Variants in TRPM2 observed in about 807,000 individuals in gnomAD.
TRPM2 encodes estrogen-responsive element-associated gene 1 protein.
Under a neutral mutation model 174.0 loss-of-function variants are expected in TRPM2, and 161 were observed. The ratio of observed to expected loss-of-function variants is 0.93; its 90% CI spans 0.81 to 1.05. The LOEUF (loss-of-function observed/expected upper bound fraction) is 1.05, where lower values mean the gene tolerates loss of function less well. Ranked by LOEUF, TRPM2 falls within the 50% of genes least tolerant of loss-of-function variation. The probability of loss-of-function intolerance (pLI) is 0.00; values close to 1 mark genes in which losing one functional copy is unlikely to be tolerated. For missense variants in TRPM2, 2,057 were observed against 2,038.0 expected (o/e 1.01, Z -0.18); for synonymous variants, 954 against 861.3 (o/e 1.11, Z -1.88).
At chr21:44,418,876 G>C (rs780525321) in intron 22 of TRPM2, among the ~76,000 whole-genome samples, 4 of 152,244 alleles carry the variant, frequency 2.6e-5, no homozygotes, top group Admixed American at 1.3e-4. Context: ...TGTGCACACG[G>C]GGTCCAGGCT....
At position 44,422,251 on chromosome 21, in the gene TRPM2, C is replaced by T. The variant is rs967599845; in HGVS notation, c.3462-1394C>T. ...CAGCACTGAGGTGAGCTGAGTTCAC[C>T]AAAGCTCCTCGCCCACAGGGCAGGG... On this transcript the variant is annotated intron_variant, in intron 22 of 31. Transcript: ENST00000397928. 4 of 1,534,652 alleles carry T rather than the reference C, an allele frequency of 2.6e-6. No individual in the cohort carries two copies. The African/African-American group carries it at 4.1e-5, about 16-fold the overall frequency.
At position 44,400,313 on chromosome 21, in the gene TRPM2, CG is replaced by C; in HGVS notation, c.2264del (p.Arg755LeufsTer2). The C allele has an allele frequency of 6.2e-7, 1 of 1,612,782 alleles. No individual in the cohort carries two copies. Among genetic ancestry groups the C allele is most frequent in the Non-Finnish European group, 8.5e-7 (1 of 1,179,868 alleles). On this transcript the variant is annotated frameshift_variant, in exon 15 of 32. Coordinates refer to ENST00000397928, the MANE Select transcript of TRPM2 (RefSeq NM_003307.4). LOFTEE classifies it high-confidence loss of function. ...GQLSVDNGLWRVTLCMLAFPL... is the reference protein window; with the variant it reads ...GQLSVDNGLWXVTLCMLAFPL... ...GCTCTCCGTGGACAATGGGCTGTGGCGTGTGACCCTGTGCATGCTGGCCTTC... is the reference window on the plus strand; with the variant it reads ...GCTCTCCGTGGACAATGGGCTGTGGCTGTGACCCTGTGCATGCTGGCCTTC...
chr21:44,425,119 C>T (rs1469139157), intron 24 of TRPM2, 180 bp downstream of exon 24: 14 of 602,824 alleles, frequency 2.3e-5, no homozygotes, highest in East Asian at 8.7e-5. Flanking sequence ...CCGACGCTGG[C>T]GCCGAGGCCC....
At chr21:44,409,637 G>A (rs941104684) in intron 19 of TRPM2, among the ~76,000 whole-genome samples, 22 of 145,394 alleles carry the variant, frequency 1.5e-4, no homozygotes, top group Admixed American at 2.1e-4. Flanking sequence ...CTGTCTTGGC[G>A]TAGCCTTGTA....
intron 11 of TRPM2, among the ~76,000 whole-genome samples, chr21:44,392,525 C>G (rs1219211701): frequency 6.6e-6 from 1 of 151,908 alleles, no homozygotes; most frequent in African/African-American, 2.4e-5. Context: ...CTTGGCCTCC[C>G]AAATTGCTGG....
In TRPM2 at chr21:44,441,941, G is replaced by C; in HGVS notation, c.*124G>C. Reference sequence around the variant, plus strand: ...GCCCTGCACATGATGGGGTTTGGTGGACCCAGTGCCCCTCACGGCTGCCGC... The same window carrying C: ...GCCCTGCACATGATGGGGTTTGGTGCACCCAGTGCCCCTCACGGCTGCCGC... On this transcript the variant is annotated 3_prime_UTR_variant, in exon 32 of 32. Transcript: ENST00000397928. The C allele has an allele frequency of 7.4e-7, 1 of 1,342,780 alleles. No individual in the cohort carries two copies. Among genetic ancestry groups the C allele is most frequent in the Non-Finnish European group, 9.7e-7 (1 of 1,032,670 alleles). The allele number at this position is 1,342,780 out of a possible 1,614,324, so 83.2% of individuals were successfully genotyped here. A position where few individuals can be genotyped will look rare whatever the true frequency, so the allele number is the denominator to read the frequency against.
intron 9 of TRPM2, among the ~76,000 whole-genome samples, chr21:44,390,234 TC>T (rs773226538): frequency 4.6e-5 from 7 of 152,170 alleles, no homozygotes; most frequent in Non-Finnish European, 8.8e-5. Context: ...TCTCTGCCCA[TC>T]CCAAGGTTGC....
rs2050737839 is a variant in TRPM2, at chr21:44,425,656, C to T, written c.3638-14C>T. The T allele has an allele frequency of 2.7e-6, 4 of 1,493,104 alleles. No individual in the cohort carries two copies. In the East Asian group the frequency reaches 7.5e-5, roughly 28 times the overall value. The allele number at this position is 1,493,104 out of a possible 1,614,324, so 92.5% of individuals were successfully genotyped here. A position where few individuals can be genotyped will look rare whatever the true frequency, so the allele number is the denominator to read the frequency against. On this transcript the variant is annotated splice_polypyrimidine_tract_variant and intron_variant, in intron 24 of 31. Coordinates refer to ENST00000397928, the MANE Select transcript of TRPM2 (RefSeq NM_003307.4). The stretch of plus-strand genomic sequence containing the variant: ...GGGCTCCGCCTTGCGTCACGTCTTC[C>T]TGACTGTCCCCAGCCTCCCAGAAGG...
At position 44,399,485 on chromosome 21, in the gene TRPM2, C is replaced by G. The variant is rs1602225271; in HGVS notation, c.2208+44C>G. On this transcript the variant is annotated intron_variant, in intron 14 of 31. Coordinates refer to ENST00000397928, the MANE Select transcript of TRPM2 (RefSeq NM_003307.4). The surrounding 1 kb of genome is among the most constrained non-coding windows in gnomAD (Gnocchi z 4.6). ...CTTCCAGAAACAGACGCCTGTGGTG[C>G]CTGCAGGGCGGACACAGCCTCCTGT... is the stretch of plus-strand genomic sequence containing the variant. 1 of 1,580,566 alleles carries G rather than the reference C, an allele frequency of 6.3e-7. No individual in the cohort carries two copies. Among genetic ancestry groups the G allele is most frequent in the Non-Finnish European group, 8.6e-7 (1 of 1,162,582 alleles).
At position 44,376,483 on chromosome 21, in the gene TRPM2, A is replaced by AGGGAT. The variant is rs1466031649; in HGVS notation, c.952+471_952+475dup. ...CTGTAGCCTCGAACTTCTGGGCTCA[A>AGGGAT]GGGATCCTCCCATCACCCTCCCAAA... is the stretch of plus-strand genomic sequence containing the variant. On this transcript the variant is annotated intron_variant, in intron 6 of 31. Coordinates refer to ENST00000397928, the MANE Select transcript of TRPM2 (RefSeq NM_003307.4). This position sits in a 1 kb window ranked among gnomAD's most constrained non-coding sequence, Gnocchi z 4.2. Among the ~76,000 whole-genome samples, 1 of 152,092 alleles carries AGGGAT rather than the reference A, an allele frequency of 6.6e-6. No homozygotes were observed. The highest frequency in any genetic ancestry group is 1.5e-5 in the Non-Finnish European group (1 of 68,016).
At chr21:44,422,550 A>G (rs1210600360) in intron 22 of TRPM2, 14 of 1,226,610 alleles carry the variant, frequency 1.1e-5, no homozygotes, top group South Asian at 1.6e-5. Flanking sequence ...ATCCCCAGAA[A>G]GTTTCTGTGT....
rs1476018818 is a variant in TRPM2, at chr21:44,399,916, G to A, written c.2209-343G>A. Among the ~76,000 whole-genome samples the A allele has an allele frequency of 2.6e-5, 4 of 152,184 alleles. No individual in the cohort carries two copies. The highest frequency in any genetic ancestry group is 4.4e-5 in the Non-Finnish European group (3 of 68,014). On this transcript the variant is annotated intron_variant, in intron 14 of 31. Coordinates refer to ENST00000397928, the MANE Select transcript of TRPM2 (RefSeq NM_003307.4). The surrounding 1 kb of genome is among the most constrained non-coding windows in gnomAD (Gnocchi z 4.6). Reference sequence around the variant, plus strand: ...CCTTGGAGCGCCGAGCTATTGCCAAGTCCATGAGCTCCCGTCATGTCCTGG... The same window carrying A: ...CCTTGGAGCGCCGAGCTATTGCCAAATCCATGAGCTCCCGTCATGTCCTGG...
At chr21:44,398,646 G>T (rs1357056179) in intron 13 of TRPM2, among the ~76,000 whole-genome samples, 1 of 152,144 alleles carries the variant, frequency 6.6e-6, no homozygotes, top group Non-Finnish European at 1.5e-5. Context: ...GTCGAAGTGG[G>T]TTCTTCTCGC....
chr21:44,435,814 C>T (rs1483710563), intron 28 of TRPM2, among the ~76,000 whole-genome samples: 1 of 142,028 alleles, frequency 7.0e-6, no homozygotes, highest in Non-Finnish European at 1.5e-5. Flanking sequence ...ACTCTCCACA[C>T]CCATCCACGG....
Position 44,399,155 on chromosome 21 carries a change from T to G in TRPM2, c.2063-141T>G. On this transcript the variant is annotated intron_variant, in intron 13 of 31. Transcript: ENST00000397928. The surrounding 1 kb of genome is among the most constrained non-coding windows in gnomAD (Gnocchi z 4.6). ...GTCCTCGTCCCTGGGCCTGGGTGTT[T>G]TGAGACACCAGCCCCACATTTGCCC... 8.7e-7 allele frequency: 1 copy of G among 1,154,284 alleles called. No homozygotes were observed. The highest frequency in any genetic ancestry group is 1.8e-5 in the South Asian group (1 of 56,894). 71.5% of individuals were successfully genotyped at this position (1,154,284 alleles called of 1,614,324 possible). A position where few individuals can be genotyped will look rare whatever the true frequency, so the allele number is the denominator to read the frequency against.
chr21:44,430,282 C>G (rs1288226379), intron 27 of TRPM2, among the ~76,000 whole-genome samples: 1 of 152,152 alleles, frequency 6.6e-6, no homozygotes, highest in Admixed American at 6.5e-5. Context: ...ATGAGCTGGT[C>G]AGCTTTCCTT....
At chr21:44,433,274 G>A (rs1377186038) in intron 27 of TRPM2, among the ~76,000 whole-genome samples, 1 of 152,252 alleles carries the variant, frequency 6.6e-6, no homozygotes, top group Non-Finnish European at 1.5e-5. Flanking sequence ...CTTCCTGTGG[G>A]GGTGGACTCA....
Position 44,382,773 on chromosome 21 carries a change from A to G in TRPM2, c.1271A>G (p.Asp424Gly). 6.2e-7 allele frequency: 1 copy of G among 1,614,060 alleles called. No individual in the cohort carries two copies. Among genetic ancestry groups the G allele is most frequent in the Non-Finnish European group, 8.5e-7 (1 of 1,180,018 alleles). Reference sequence around the variant, plus strand: ...CTGACTGTCTTCCGGGAAGGCAAGGATGGTCAGCAGGACGTGGATGTGGCC... The same window carrying G: ...CTGACTGTCTTCCGGGAAGGCAAGGGTGGTCAGCAGGACGTGGATGTGGCC... The part of the protein sequence containing the change: ...QLLTVFREGK[D>G]GQQDVDVAIL... The change falls in exon 9 of 32, where the codon GAT (aspartate) becomes GGT (glycine). Residue 424 changes from aspartate (D) to glycine (G), a missense_variant. Asp to Gly is a moderately conservative substitution (Grantham distance 94, BLOSUM62 -1). Coordinates refer to ENST00000397928, the MANE Select transcript of TRPM2 (RefSeq NM_003307.4).
intron 7 of TRPM2, among the ~76,000 whole-genome samples, chr21:44,378,531 T>C (rs2048776446): frequency 6.6e-6 from 1 of 152,118 alleles, no homozygotes; most frequent in Admixed American, 6.5e-5. Flanking sequence ...TGCACCCGCC[T>C]CCTTACCCCA....
Sources: allele counts gnomAD v4.1 joint callset (sites outside exome capture counted in the v4.1 genomes callset), GRCh38; gene constraint gnomAD v4.1.1; non-coding constraint Gnocchi (gnomAD v3.1); transcripts MANE v1.5; gene names NCBI Gene and HGNC (gene_info 2026-07-23, HGNC 2026-07-21).